TEPSIN: variants seen among roughly 807,000 people sequenced by gnomAD.
TEPSIN encodes TEPSIN adaptor related protein complex 4 accessory protein.
A neutral mutation model predicts 48.5 loss-of-function variants in TEPSIN; 50 were observed. That is an observed-to-expected ratio of 1.03 (90% CI 0.82 to 1.31). TEPSIN has a LOEUF of 1.31. Ranked by LOEUF, TEPSIN falls within the 50% of genes most tolerant of loss-of-function variation. The pLI, the probability that TEPSIN is intolerant of heterozygous loss-of-function variation, is 0.00. For missense variants in TEPSIN, 838 were observed against 815.9 expected (o/e 1.03, Z -0.33); for synonymous variants, 392 against 358.8 (o/e 1.09, Z -1.05).
In TEPSIN at chr17:81,230,587, A is replaced by C; in HGVS notation, c.1190T>G (p.Leu397Arg). ...LLRTRPWLQE[L>R]SMGSPGPVTN... ...CACAGGTCCCGGGCTGCCCATGCTG[A>C]GCTCCTGCAGCCACGGCCGGGTGCG... is the stretch of plus-strand genomic sequence containing the variant. Residue 397 changes from leucine (L) to arginine (R), a missense_variant, in exon 12 of 13, where the codon CTC (leucine) becomes CGC (arginine). Coordinates refer to ENST00000637944, the MANE Select transcript of TEPSIN (RefSeq NM_001363764.2). This position sits in a 1 kb window ranked among gnomAD's most constrained non-coding sequence, Gnocchi z 4.2. 6.2e-7 allele frequency: 1 copy of C among 1,611,014 alleles called. No homozygotes were observed. Among genetic ancestry groups the C allele is most frequent in the Non-Finnish European group, 8.5e-7 (1 of 1,178,792 alleles).
chr17:81,236,753 G>T lies in TEPSIN; in HGVS notation c.262C>A (p.Leu88Met). The change falls in exon 4 of 13, where the codon CTG becomes ATG. Residue 88 changes from leucine to methionine, a missense_variant. Leu to Met is a conservative substitution (Grantham distance 15). Transcript: ENST00000637944. ...GCAGAGTTGCGTTTGAGGATGAGCAGGAAGAAGGAGGAGCCGTGGCTGCAC... is the reference window on the plus strand; with the variant it reads ...GCAGAGTTGCGTTTGAGGATGAGCATGAAGAAGGAGGAGCCGTGGCTGCAC... The part of the protein sequence containing the change: ...YLCSHGSSFF[L>M]LILKRNSAFI... 6.4e-7 allele frequency: 1 copy of T among 1,574,598 alleles called. No individual in the cohort carries two copies.
At chr17:81,235,923 C>T (rs375921600) in intron 4 of TEPSIN, among the ~76,000 whole-genome samples, 5 of 152,334 alleles carry the variant, frequency 3.3e-5, no homozygotes, top group African/African-American at 9.6e-5. Context: ...GTTTCGACAC[C>T]GGTTTTGGGG....
Position 81,236,760 on chromosome 17 carries a change from G to A in TEPSIN, c.255C>T (p.Ser85=), listed in dbSNP as rs1479764316. ...ILLYLCSHGS[S]FFLLILKRNS... Reference sequence around the variant, plus strand: ...TGCGTTTGAGGATGAGCAGGAAGAAGGAGGAGCCGTGGCTGCACAGATAGA... The same window carrying A: ...TGCGTTTGAGGATGAGCAGGAAGAAAGAGGAGCCGTGGCTGCACAGATAGA... The change falls in exon 4 of 13, where the codon TCC becomes TCT. Residue 85 remains serine, a synonymous_variant. Coordinates refer to ENST00000637944, the MANE Select transcript of TEPSIN (RefSeq NM_001363764.2). The A allele has an allele frequency of 1.3e-6, 2 of 1,574,866 alleles. No homozygotes were observed. Among genetic ancestry groups the A allele is most frequent in the South Asian group, 1.2e-5 (1 of 85,814 alleles).
At position 81,233,559 on chromosome 17, in the gene TEPSIN, G is replaced by A. The variant is rs1039983710; in HGVS notation, c.455-56C>T. The stretch of plus-strand genomic sequence containing the variant: ...GGCCCCCACCCTCGGCCCTGCCCAC[G>A]GATGGCACAGACACCCAGGACACTC... On this transcript the variant is annotated intron_variant, in intron 6 of 12. Coordinates refer to ENST00000637944, the MANE Select transcript of TEPSIN (RefSeq NM_001363764.2). The surrounding 1 kb of genome is among the most constrained non-coding windows in gnomAD (Gnocchi z 5.8). The A allele has an allele frequency of 2.3e-5, 36 of 1,563,234 alleles. No individual in the cohort carries two copies. The highest frequency in any genetic ancestry group is 1.1e-4 in the Admixed American group (6 of 54,224).
Position 81,229,233 on chromosome 17 carries a change from T to A in TEPSIN, c.1477A>T (p.Ile493Phe). Reference protein sequence around the residue: ...VPTPPPDASPIPAPGDPSEAE... With the variant: ...VPTPPPDASPFPAPGDPSEAE... ...TCGCTGGGGTCTCCGGGGGCTGGAATGGGGGAGGCATCTGGGGGTGGGGTG... is the reference window on the plus strand; with the variant it reads ...TCGCTGGGGTCTCCGGGGGCTGGAAAGGGGGAGGCATCTGGGGGTGGGGTG... The change falls in exon 13 of 13, where the codon ATT becomes TTT. Residue 493 changes from isoleucine (I) to phenylalanine (F), a missense_variant. By Grantham distance (21) the Ile-to-Phe change is conservative. Coordinates refer to ENST00000637944, the MANE Select transcript of TEPSIN (RefSeq NM_001363764.2). 2 of 546,582 alleles carry A rather than the reference T, an allele frequency of 3.7e-6. No individual in the cohort carries two copies. Among genetic ancestry groups the A allele is most frequent in the South Asian group, 2.4e-5 (1 of 42,366 alleles). The allele number at this position is 546,582 out of a possible 1,614,324, so 33.9% of individuals were successfully genotyped here.
intron 7 of TEPSIN, 45 bp from the exon 8 acceptor site, chr17:81,232,563 C>T: frequency 6.7e-7 from 1 of 1,491,370 alleles, no homozygotes; most frequent in Non-Finnish European, 9.0e-7. Flanking sequence ...CAGTGCGGCC[C>T]CCACCCGCGT....
chr17:81,237,389 G>A lies in TEPSIN; in HGVS notation c.119C>T (p.Ala40Val), dbSNP rs1421930296. Reference sequence around the variant, plus strand: ...ACGGGGACATCAAGGAAGGATACTAGCAATCTCTTCAAACAGGTAGCCCGG... The same window carrying A: ...ACGGGGACATCAAGGAAGGATACTAACAATCTCTTCAAACAGGTAGCCCGG... ...PCPGYLFEEI[A>V]KISHESPGSS... Residue 40 changes from alanine to valine, a missense_variant and splice_region_variant, in exon 2 of 13, where the codon GCT (alanine) becomes GTT (valine). Transcript: ENST00000637944. 1.2e-6 allele frequency: 2 copies of A among 1,611,280 alleles called. No individual in the cohort carries two copies. The highest frequency in any genetic ancestry group is 1.7e-5 in the Admixed American group (1 of 59,712).
intron 4 of TEPSIN, 51 bp downstream of exon 4, chr17:81,236,647 GCCACCCTCCC>G: frequency 6.7e-7 from 1 of 1,486,690 alleles, no homozygotes; most frequent in South Asian, 1.2e-5. Flanking sequence ...TGGAGGATCC[GCCACCCTCCC>G]CCATTCTCCA....
chr17:81,238,242 G>A (rs2062762001), intron 1 of TEPSIN: 3 of 904,758 alleles, frequency 3.3e-6, no homozygotes, highest in Non-Finnish European at 4.0e-6. Flanking sequence ...TGCCCACCAC[G>A]CCCTAAGGGG....
In TEPSIN at chr17:81,230,661, G is replaced by A. The variant is rs576370335; in HGVS notation, c.1116C>T (p.Ile372=). The A allele has an allele frequency of 3.1e-5, 49 of 1,570,232 alleles. No individual in the cohort carries two copies. Among genetic ancestry groups the A allele is most frequent in the South Asian group, 1.1e-4 (9 of 85,514 alleles). The part of the protein sequence containing the change: ...ECTQLRALCA[I]ASLGSSDLLP... The stretch of plus-strand genomic sequence containing the variant: ...GGAGGTCGCTGCTCCCCAGGGAGGC[G>A]ATGGCACACAGCGCCCTCTGCGGGT... The change falls in exon 12 of 13, where the codon ATC becomes ATT. Residue 372 remains isoleucine (I), a synonymous_variant. Coordinates refer to ENST00000637944, the MANE Select transcript of TEPSIN (RefSeq NM_001363764.2). The surrounding 1 kb of genome is among the most constrained non-coding windows in gnomAD (Gnocchi z 4.2).
chr17:81,238,526 T>C (rs1255188640), intron 1 of TEPSIN: 2 of 793,820 alleles, frequency 2.5e-6, no homozygotes, highest in East Asian at 2.2e-4. Context: ...TGGTGCGTCC[T>C]TCTCTGTCCC....
chr17:81,236,516 A>T (rs1278878890), intron 4 of TEPSIN, 192 bp downstream of exon 4: 3 of 653,356 alleles, frequency 4.6e-6, no homozygotes, highest in Non-Finnish European at 7.8e-6. Context: ...CGAGCCGGCC[A>T]GCTGGGGTGA....
At chr17:81,232,634 T>A in intron 7 of TEPSIN, 116 bp from the exon 8 acceptor site, 1 of 994,198 alleles carries the variant, frequency 1.0e-6, no homozygotes, top group Admixed American at 2.9e-5. Context: ...TCGGGGTACA[T>A]GCTGCAGGTA....
chr17:81,233,788 A>G lies in TEPSIN; in HGVS notation c.376-72T>C. 6.8e-7 allele frequency: 1 copy of G among 1,471,474 alleles called. No homozygotes were observed. Among genetic ancestry groups the G allele is most frequent in the Non-Finnish European group, 9.2e-7 (1 of 1,092,734 alleles). The allele number at this position is 1,471,474 out of a possible 1,614,324, so 91.2% of individuals were successfully genotyped here. A position where few individuals can be genotyped will look rare whatever the true frequency, so the allele number is the denominator to read the frequency against. ...CTGTACTCACCCTGCCACCCATATC[A>G]GCTCCGTTCTGTCCCCCGGACACTT... On this transcript the variant is annotated intron_variant, in intron 5 of 12. Coordinates refer to ENST00000637944, the MANE Select transcript of TEPSIN (RefSeq NM_001363764.2). The surrounding 1 kb of genome is among the most constrained non-coding windows in gnomAD (Gnocchi z 5.8).
chr17:81,238,867 G>A (rs1440703482), intron 1 of TEPSIN, 119 bp downstream of exon 1: 2 of 1,363,096 alleles, frequency 1.5e-6, no homozygotes, highest in Non-Finnish European at 1.9e-6. Context: ...GAAGGGGCCA[G>A]GAGCAGCTAC....
At chr17:81,232,164 ACACCAGCCC>A in intron 8 of TEPSIN, 142 bp downstream of exon 8, 1 of 1,319,586 alleles carries the variant, frequency 7.6e-7, no homozygotes, top group Non-Finnish European at 1.0e-6. Flanking sequence ...GCTTCAGCAA[ACACCAGCCC>A]CATGGGCATG....
At chr17:81,231,305 A>G in intron 11 of TEPSIN, 93 bp downstream of exon 11, 2 of 1,291,366 alleles carry the variant, frequency 1.5e-6, no homozygotes, top group Non-Finnish European at 2.1e-6. Context: ...ACAGGTGTGC[A>G]CACAGGCACA....
At chr17:81,237,252 C>A in intron 2 of TEPSIN, 135 bp downstream of exon 2, 2 of 1,238,566 alleles carry the variant, frequency 1.6e-6, no homozygotes, top group South Asian at 1.3e-5. Flanking sequence ...CTTCAGACCC[C>A]ACCCATGCCT....
rs2062513906 is a variant in TEPSIN at position 81,228,583 on chromosome 17, G to C, written c.*345C>G. ...GCTTGTTGCTGCTCATGACCTCCTG[G>C]GGAAGGAGGGAGCTGAGATCAAAAT... On this transcript the variant is annotated 3_prime_UTR_variant, in exon 13 of 13. Coordinates refer to ENST00000637944, the MANE Select transcript of TEPSIN (RefSeq NM_001363764.2). The C allele has an allele frequency of 5.7e-6, 2 of 348,716 alleles. No individual in the cohort carries two copies. Among genetic ancestry groups the C allele is most frequent in the South Asian group, 5.5e-5 (2 of 36,108 alleles). The allele number at this position is 348,716 out of a possible 1,614,324, so 21.6% of individuals were successfully genotyped here.
Sources: gnomAD v4.1 joint callset for allele counts (sites outside exome capture counted in the v4.1 genomes callset) on GRCh38, gnomAD v4.1.1 for gene constraint, Gnocchi (gnomAD v3.1) non-coding constraint, MANE v1.5 for transcripts, NCBI Gene and HGNC (gene_info 2026-07-23, HGNC 2026-07-21) for gene names.